Variants in BCL2L15 observed in about 807,000 individuals in gnomAD.
BCL2L15 encodes bcl-2-like protein 15.
In BCL2L15, 15 loss-of-function variants were observed where a neutral mutation model predicts 18.3. The observed-to-expected ratio is 0.82, with a 90% CI of 0.55 to 1.26. BCL2L15 has a LOEUF of 1.26. Ranked by LOEUF, BCL2L15 falls within the 50% of genes most tolerant of loss-of-function variation. The probability of loss-of-function intolerance (pLI) is 0.00; values close to 1 mark genes in which losing one functional copy is unlikely to be tolerated. For synonymous variants in BCL2L15, 58 were observed against 68.5 expected, an observed-to-expected ratio of 0.85 and a Z score of 0.76; for missense variants, 180 against 201.7, an observed-to-expected ratio of 0.89 and a Z score of 0.65.
At chr1:113,885,698 G>A (rs774680360) in intron 2 of BCL2L15, among the ~76,000 whole-genome samples, 1 of 152,118 alleles carries the variant, frequency 6.6e-6, no homozygotes. Flanking sequence ...AGGTAGAGAC[G>A]GGGTTTCACC....
chr1:113,883,746 T>C (rs575154048), intron 2 of BCL2L15, among the ~76,000 whole-genome samples: 2 of 152,262 alleles, frequency 1.3e-5, no homozygotes, highest in Admixed American at 6.5e-5. Flanking sequence ...ATCGTGCCAC[T>C]GCACTCCAGC....
rs1667077593 is a variant in BCL2L15 at position 113,887,577 on chromosome 1, G to T, written c.-202C>A. ...ACTTCTCAGAAGGATTACCTACTTG[G>T]AACTGGGGAGACTTTAAAGACTTTA... On this transcript the variant is annotated 5_prime_UTR_variant, in exon 1 of 4. Transcript: ENST00000393316. 1 of 577,922 alleles carries T rather than the reference G, an allele frequency of 1.7e-6. No homozygotes were observed. The highest frequency in any genetic ancestry group is 3.0e-6 in the Non-Finnish European group (1 of 334,798). The allele number at this position is 577,922 out of a possible 1,614,324, so 35.8% of individuals were successfully genotyped here.
chr1:113,887,581 T>C lies in BCL2L15; in HGVS notation c.-206A>G. On this transcript the variant is annotated 5_prime_UTR_variant, in exon 1 of 4. Transcript: ENST00000393316. ...CTCAGAAGGATTACCTACTTGGAACTGGGGAGACTTTAAAGACTTTAGGTT... is the reference window on the plus strand; with the variant it reads ...CTCAGAAGGATTACCTACTTGGAACCGGGGAGACTTTAAAGACTTTAGGTT... The C allele has an allele frequency of 3.5e-6, 2 of 568,300 alleles. No individual in the cohort carries two copies. Among genetic ancestry groups the C allele is most frequent in the Non-Finnish European group, 6.1e-6 (2 of 327,594 alleles). 35.2% of individuals were successfully genotyped at this position (568,300 alleles called of 1,614,324 possible).
At chr1:113,883,152 C>T (rs1666929731) in intron 2 of BCL2L15, among the ~76,000 whole-genome samples, 1 of 151,894 alleles carries the variant, frequency 6.6e-6, no homozygotes, top group Admixed American at 6.6e-5. Context: ...TGTGGGAGAG[C>T]ACCTAGATCT....
Position 113,877,377 on chromosome 1 carries a change from T to C in BCL2L15, c.*3746A>G, listed in dbSNP as rs1666755033. 1.3e-5 allele frequency among the ~76,000 whole-genome samples: 2 copies of C among 151,508 alleles called. No homozygotes were observed. Among genetic ancestry groups the C allele is most frequent in the East Asian group, 1.9e-4 (1 of 5,152 alleles). ...TTATTAAGGTAGTGCTGATGTACAA[T>C]AAACTACACATTTCAAAGTATGCAG... On this transcript the variant is annotated 3_prime_UTR_variant, in exon 4 of 4. Coordinates refer to ENST00000393316, the MANE Select transcript of BCL2L15 (RefSeq NM_001010922.3).
At chr1:113,881,749 A>C in intron 3 of BCL2L15, 24 bp downstream of exon 3, 1 of 1,608,554 alleles carries the variant, frequency 6.2e-7, no homozygotes, top group Non-Finnish European at 8.5e-7. Flanking sequence ...TACCTAGCAA[A>C]ACCAGGAGCC....
At position 113,887,400 on chromosome 1, in the gene BCL2L15, G is replaced by C; in HGVS notation, c.-25C>G. The C allele has an allele frequency of 1.2e-6, 2 of 1,613,630 alleles. No homozygotes were observed. Among genetic ancestry groups the C allele is most frequent in the Non-Finnish European group, 1.7e-6 (2 of 1,179,694 alleles). On this transcript the variant is annotated 5_prime_UTR_variant, in exon 1 of 4. Coordinates refer to ENST00000393316, the MANE Select transcript of BCL2L15 (RefSeq NM_001010922.3). The stretch of plus-strand genomic sequence containing the variant: ...TTTTAGATGTTTGCTGTCAAGTTTT[G>C]CTTTTCCACGAAACAAGCAGTTTTC...
At position 113,881,898 on chromosome 1, in the gene BCL2L15, C is replaced by A; in HGVS notation, c.349G>T (p.Val117Leu). Residue 117 changes from valine (V) to leucine (L), a missense_variant, in exon 3 of 4, where the codon GTG (valine) becomes TTG (leucine). Physicochemically the swap from Val to Leu is conservative, Grantham distance 32. Transcript: ENST00000393316. The part of the protein sequence containing the change: ...AYERAFLAVS[V>L]KLLEYMAHIA... ...TGAGCCATGTACTCAAGAAGTTTCACTGACACTGCCAGAAAAGCTCTCTCA... is the reference window on the plus strand; with the variant it reads ...TGAGCCATGTACTCAAGAAGTTTCAATGACACTGCCAGAAAAGCTCTCTCA... The A allele has an allele frequency of 2.5e-6, 4 of 1,614,216 alleles. No homozygotes were observed. The highest frequency in any genetic ancestry group is 3.4e-6 in the Non-Finnish European group (4 of 1,180,028).
chr1:113,881,201 A>C, intron 3 of BCL2L15, 61 bp from the exon 4 acceptor site: 1 of 1,612,026 alleles, frequency 6.2e-7, no homozygotes. Context: ...TTCCTAAGAA[A>C]CCAGGAAATG....
intron 1 of BCL2L15, 144 bp downstream of exon 1, chr1:113,887,105 C>T (rs1667060293): frequency 2.9e-6 from 2 of 699,838 alleles, no homozygotes; most frequent in East Asian, 2.8e-5. Flanking sequence ...ACCACGTTGG[C>T]CAGGCGGATC....
intron 2 of BCL2L15, among the ~76,000 whole-genome samples, chr1:113,885,008 G>T (rs1317551700): frequency 3.9e-5 from 6 of 151,998 alleles, no homozygotes; most frequent in African/African-American, 1.4e-4. Flanking sequence ...TTGGAGTGCA[G>T]TGGCGAGATC....
Position 113,887,247 on chromosome 1 carries a change from A to T in BCL2L15, c.127+2T>A. ...AATCACCGCCTAGGGCAGGAACCTT[A>T]CCTGAATCTACTTCATCTACACAGC... On this transcript the variant is annotated splice_donor_variant, in intron 1 of 3. Coordinates refer to ENST00000393316, the MANE Select transcript of BCL2L15 (RefSeq NM_001010922.3). LOFTEE classifies it high-confidence loss of function. 6.2e-7 allele frequency: 1 copy of T among 1,613,792 alleles called. No homozygotes were observed. The highest frequency in any genetic ancestry group is 8.5e-7 in the Non-Finnish European group (1 of 1,179,790).
At chr1:113,883,196 C>T (rs1342622211) in intron 2 of BCL2L15, among the ~76,000 whole-genome samples, 1 of 151,826 alleles carries the variant, frequency 6.6e-6, no homozygotes, top group Non-Finnish European at 1.5e-5. Flanking sequence ...TTAAAAGAAA[C>T]CAGAGGCCGG....
Position 113,879,932 on chromosome 1 carries a change from A to G in BCL2L15, c.*1191T>C, listed in dbSNP as rs963377151. 6.6e-6 allele frequency: 1 copy of G among 152,222 alleles called. No homozygotes were observed. The allele number at this position is 152,222 out of a possible 1,614,324, so 9.4% of individuals were successfully genotyped here. ...TCTATAGTGATGGCTGTCACACTCTATATGTACATCAGAATCACCTATGGA... is the reference window on the plus strand; with the variant it reads ...TCTATAGTGATGGCTGTCACACTCTGTATGTACATCAGAATCACCTATGGA... On this transcript the variant is annotated 3_prime_UTR_variant, in exon 4 of 4. Transcript: ENST00000393316.
chr1:113,886,474 A>C, intron 2 of BCL2L15, 63 bp downstream of exon 2: 1 of 1,539,618 alleles, frequency 6.5e-7, no homozygotes, highest in Non-Finnish European at 8.8e-7. Flanking sequence ...TGGGAGTAGT[A>C]AGAAAAGGAA....
At chr1:113,886,760 A>G (rs1667048797) in intron 1 of BCL2L15, 102 bp from the exon 2 acceptor site, 2 of 1,150,228 alleles carry the variant, frequency 1.7e-6, no homozygotes, top group East Asian at 5.1e-5. Context: ...AATAATTTTC[A>G]TATCATGATC....
At chr1:113,885,673 A>G (rs1558071465) in intron 2 of BCL2L15, among the ~76,000 whole-genome samples, 1 of 152,076 alleles carries the variant, frequency 6.6e-6, no homozygotes, top group Non-Finnish European at 1.5e-5. Flanking sequence ...CCGCCCGGCT[A>G]ATTTTTGTAT....
chr1:113,886,793 T>C, intron 1 of BCL2L15, 135 bp from the exon 2 acceptor site: 1 of 786,262 alleles, frequency 1.3e-6, no homozygotes, highest in East Asian at 2.8e-5. Flanking sequence ...AAATGTTCTG[T>C]CAACACCAAT....
intron 3 of BCL2L15, 31 bp from the exon 4 acceptor site, chr1:113,881,171 A>C: frequency 6.2e-7 from 1 of 1,613,980 alleles, no homozygotes; most frequent in Non-Finnish European, 8.5e-7. Context: ...CCTACAGTCA[A>C]AGGAATTGCT....
Sources: allele counts gnomAD v4.1 joint callset (sites outside exome capture counted in the v4.1 genomes callset), GRCh38; gene constraint gnomAD v4.1.1; transcripts MANE v1.5; gene names NCBI Gene and HGNC (gene_info 2026-07-23, HGNC 2026-07-21).